Variants in ACIN1 observed in about 807,000 individuals in gnomAD.
The protein encoded by ACIN1 is apoptotic chromatin condensation inducer in the nucleus.
Under a neutral mutation model 146.6 loss-of-function variants are expected in ACIN1, and 16 were observed. The ratio of observed to expected loss-of-function variants is 0.11; its 90% CI spans 0.07 to 0.17. The LOEUF is 0.17. Ranked by LOEUF, ACIN1 falls within the 10% of genes least tolerant of loss-of-function variation. ACIN1 has a pLI of 1.00. For synonymous variants in ACIN1, 569 were observed against 582.7 expected (o/e 0.98, Z 0.34); for missense variants, 1,357 against 1,609.3 (o/e 0.84, Z 2.68).
rs561609100 is a variant in ACIN1, at chr14:23,058,579, G to T, written c.*569C>A. 2 of 151,124 alleles carry T rather than the reference G, an allele frequency of 1.3e-5. No individual in the cohort carries two copies. The highest frequency in any genetic ancestry group is 3.9e-4 in the East Asian group (2 of 5,182). The allele number at this position is 151,124 out of a possible 1,614,324, so 9.4% of individuals were successfully genotyped here. On this transcript the variant is annotated 3_prime_UTR_variant, in exon 19 of 19. Coordinates refer to ENST00000605057, the MANE Select transcript of ACIN1 (RefSeq NM_001386863.1). ...ACTCACACAGTTTAAAACTAAGTCA[G>T]ATTTTTATTTTTTTTTCCATAGACC... is the stretch of plus-strand genomic sequence containing the variant.
rs760783145 is a variant in ACIN1 at position 23,064,277 on chromosome 14, C to T, written c.2443-20G>A. On this transcript the variant is annotated intron_variant, in intron 11 of 18. Coordinates refer to ENST00000605057, the MANE Select transcript of ACIN1 (RefSeq NM_001386863.1). ...GAGGCTCTGGGACACAGATACCCCC[C>T]ACCCCGTTACACTGGGCCCATGTCT... The T allele has an allele frequency of 1.2e-6, 2 of 1,613,982 alleles. No homozygotes were observed. The highest frequency in any genetic ancestry group is 1.7e-6 in the Non-Finnish European group (2 of 1,180,014).
intron 16 of ACIN1, 91 bp downstream of exon 16, chr14:23,062,077 A>G: frequency 9.7e-7 from 1 of 1,030,716 alleles, no homozygotes; most frequent in Non-Finnish European, 1.5e-6. Flanking sequence ...AGAAGCTCAG[A>G]GACTGCAGGT....
chr14:23,080,657 T>C lies in ACIN1; in HGVS notation c.678A>G (p.Glu226=). Residue 226 remains glutamate, a synonymous_variant, in exon 6 of 19, where the codon GAA becomes GAG. Transcript: ENST00000605057. ...EEEEEEEEDD[E]EEEGDDEGQK... is the part of the protein sequence containing the mutation. ...GTCCCTCATCATCACCTTCCTCTTC[T>C]TCATCATCTTCTTCCTCCTCCTCCT... is the stretch of plus-strand genomic sequence containing the variant. The C allele has an allele frequency of 6.2e-7, 1 of 1,613,194 alleles. No individual in the cohort carries two copies. Among genetic ancestry groups the C allele is most frequent in the Non-Finnish European group, 8.5e-7 (1 of 1,179,898 alleles).
upstream of ACIN1, chr14:23,095,285 A>G: frequency 6.3e-7 from 1 of 1,592,592 alleles, no homozygotes; most frequent in Non-Finnish European, 8.6e-7. Flanking sequence ...CCGTCTCCAC[A>G]TCGTTACCAA....
intron 8 of ACIN1, 35 bp from the exon 9 acceptor site, chr14:23,069,652 G>GGGGGGCCCGGC: frequency 1.7e-6 from 1 of 577,972 alleles, no homozygotes; most frequent in Non-Finnish European, 3.3e-6. Flanking sequence ...GGGGGGGCGG[G>GGGGGGCCCGGC]CAGAAAAGAA....
Position 23,078,998 on chromosome 14 carries a change from T to TACC in ACIN1, c.1828_1829insGGT (p.Ser609_Tyr610insTrp). 6.2e-7 allele frequency: 1 copy of TACC among 1,614,230 alleles called. No homozygotes were observed. The highest frequency in any genetic ancestry group is 1.1e-5 in the South Asian group (1 of 91,080). ...AGAAGAGGGATCTTTGGTTTCAGTA[T>TACC]AGCTGGTGCTGCTGTCCCTGGAGAC... On this transcript the variant is annotated inframe_insertion, in exon 7 of 19. Transcript: ENST00000605057.
intron 8 of ACIN1, chr14:23,071,523 C>T: frequency 6.4e-7 from 1 of 1,551,458 alleles, no homozygotes; most frequent in Non-Finnish European, 8.7e-7. Context: ...GGCGGAGCGG[C>T]AGCGATCAGC....
Position 23,068,810 on chromosome 14 carries a change from C to T in ACIN1, c.2265+666G>A, listed in dbSNP as rs1322084370. On this transcript the variant is annotated intron_variant, in intron 9 of 18. Coordinates refer to ENST00000605057, the MANE Select transcript of ACIN1 (RefSeq NM_001386863.1). The surrounding 1 kb of genome is among the most constrained non-coding windows in gnomAD (Gnocchi z 4.3). The stretch of plus-strand genomic sequence containing the variant: ...ACAACAGTCCCTCCCACCTTGTTAC[C>T]CCTCTCCTAAACCCAGCTCATTCTT... The T allele has an allele frequency of 4.1e-6, 4 of 985,332 alleles. No homozygotes were observed. The highest frequency in any genetic ancestry group is 4.8e-6 in the Non-Finnish European group (4 of 829,962). The allele number at this position is 985,332 out of a possible 1,614,324, so 61.0% of individuals were successfully genotyped here.
At chr14:23,095,314 C>T (rs2048349613), upstream of ACIN1, 1 of 1,566,310 alleles carries the variant, frequency 6.4e-7, no homozygotes, top group Admixed American at 1.8e-5. Flanking sequence ...TTCCATCCGC[C>T]CTGCAGCGCC....
At chr14:23,078,392 T>A in intron 7 of ACIN1, 126 bp from the exon 8 acceptor site, 1 of 644,416 alleles carries the variant, frequency 1.6e-6, no homozygotes, top group East Asian at 2.8e-5. Context: ...CACGGCCCTC[T>A]GTATCTGTTA....
At chr14:23,095,442 C>G, upstream of ACIN1, 2 of 1,096,980 alleles carry the variant, frequency 1.8e-6, no homozygotes, top group East Asian at 2.6e-5. Flanking sequence ...CGTTTATTTC[C>G]GGACCTAGAG....
chr14:23,082,759 GAC>G (rs1183121931), intron 4 of ACIN1, among the ~76,000 whole-genome samples: 1 of 135,966 alleles, frequency 7.4e-6, no homozygotes, highest in East Asian at 2.3e-4. Context: ...TTTTTTTTGA[GAC>G]AGAGTTTTGC....
In ACIN1 at chr14:23,068,668, G is replaced by A; in HGVS notation, c.2265+808C>T. On this transcript the variant is annotated intron_variant, in intron 9 of 18. Coordinates refer to ENST00000605057, the MANE Select transcript of ACIN1 (RefSeq NM_001386863.1). The surrounding 1 kb of genome is among the most constrained non-coding windows in gnomAD (Gnocchi z 4.3). The stretch of plus-strand genomic sequence containing the variant: ...TTTACGGGCGGATTACCGTACATGA[G>A]GTACTTGGACAAAGTTTTACGGGGA... 1 of 985,804 alleles carries A rather than the reference G, an allele frequency of 1.0e-6. No homozygotes were observed. Among genetic ancestry groups the A allele is most frequent in the Non-Finnish European group, 1.2e-6 (1 of 829,962 alleles). The allele number at this position is 985,804 out of a possible 1,614,324, so 61.1% of individuals were successfully genotyped here. A position where few individuals can be genotyped will look rare whatever the true frequency, so the allele number is the denominator to read the frequency against.
chr14:23,062,894 T>A (rs2047332896), intron 14 of ACIN1, 35 bp downstream of exon 14: 1 of 1,577,026 alleles, frequency 6.3e-7, no homozygotes, highest in South Asian at 1.2e-5. Context: ...ACTTAACCAC[T>A]AAGCAAGCTG....
chr14:23,095,308 A>C, upstream of ACIN1: 1 of 1,579,794 alleles, frequency 6.3e-7, no homozygotes, highest in Non-Finnish European at 8.7e-7. Flanking sequence ...AATTCTTTCC[A>C]TCCGCCCTGC....
chr14:23,080,574 G>T lies in ACIN1; in HGVS notation c.761C>A (p.Pro254His). 1 of 1,613,940 alleles carries T rather than the reference G, an allele frequency of 6.2e-7. No homozygotes were observed. The highest frequency in any genetic ancestry group is 1.1e-5 in the South Asian group (1 of 91,074). ...KEFKEEGEEI[P>H]RVKPEEMMDE... ...CATCATCTCCTCTGGTTTTACTCTA[G>T]GTATCTCTTCCCCTTCTTCCTTAAA... is the stretch of plus-strand genomic sequence containing the variant. The change falls in exon 6 of 19, where the codon CCT becomes CAT. Residue 254 changes from proline to histidine, a missense_variant. Physicochemically the swap from Pro to His is moderately conservative, Grantham distance 77 (BLOSUM62 -2). Coordinates refer to ENST00000605057, the MANE Select transcript of ACIN1 (RefSeq NM_001386863.1).
chr14:23,074,124 C>T (rs2047738780), intron 8 of ACIN1, among the ~76,000 whole-genome samples: 1 of 151,664 alleles, frequency 6.6e-6, no homozygotes. Flanking sequence ...AGGCGTGAGC[C>T]ATCATGCCCG....
intron 11 of ACIN1, 44 bp from the exon 12 acceptor site, chr14:23,064,301 C>G: frequency 6.2e-7 from 1 of 1,613,998 alleles, no homozygotes; most frequent in Admixed American, 1.7e-5. Flanking sequence ...GGGCCCATGT[C>G]TACTCCCACC....
intron 9 of ACIN1, chr14:23,066,303 AAG>A: frequency 3.8e-6 from 1 of 266,420 alleles, no homozygotes; most frequent in Non-Finnish European, 7.2e-6. Flanking sequence ...AATAAGCTGG[AAG>A]AGGAGTTCAG....
Sources: gnomAD v4.1 joint callset for allele counts (sites outside exome capture counted in the v4.1 genomes callset) on GRCh38, gnomAD v4.1.1 for gene constraint, Gnocchi (gnomAD v3.1) non-coding constraint, MANE v1.5 for transcripts, NCBI Gene and HGNC (gene_info 2026-07-23, HGNC 2026-07-21) for gene names.